ABCA4: variants seen among roughly 807,000 people sequenced by gnomAD.
The protein encoded by ABCA4 is ATP binding cassette subfamily A member 4.
A neutral mutation model predicts 263.7 loss-of-function variants in ABCA4; 196 were observed. The observed-to-expected ratio is 0.74, with a 90% CI of 0.66 to 0.84. The LOEUF (loss-of-function observed/expected upper bound fraction) is 0.84. Among genes scored for constraint, ABCA4 ranks in the 40% least tolerant of loss-of-function variants. The pLI, the probability that ABCA4 is intolerant of heterozygous loss-of-function variation, is 0.00. For synonymous variants in ABCA4, 1,133 were observed against 1,094.2 expected (o/e 1.04, Z -0.70); for missense variants, 2,792 against 2,855.1 (o/e 0.98, Z 0.50).
At position 94,041,249 on chromosome 1, in the gene ABCA4, C is replaced by T. The variant is rs768278935; in HGVS notation, c.3482G>A (p.Arg1161His). Residue 1161 changes from arginine (R) to histidine (H), a missense_variant, in exon 23 of 50, where the codon CGC becomes CAC. Transcript: ENST00000370225. Reference protein sequence around the residue: ...FGTGLYLTLVRKMKNIQSQRK... With the variant: ...FGTGLYLTLVHKMKNIQSQRK... Reference sequence around the variant, plus strand: ...TTGGCTCTGGATGTTTTTCATCTTGCGCACCAAGGTTAAGTACAAGCCTGT... The same window carrying T: ...TTGGCTCTGGATGTTTTTCATCTTGTGCACCAAGGTTAAGTACAAGCCTGT... The T allele has an allele frequency of 1.2e-5, 19 of 1,614,038 alleles. No individual in the cohort carries two copies. The highest frequency in any genetic ancestry group is 1.6e-4 in the Middle Eastern group (1 of 6,084).
chr1:94,001,695 C>A, intron 45 of ABCA4, 163 bp downstream of exon 45: 1 of 1,070,322 alleles, frequency 9.3e-7, no homozygotes, highest in Non-Finnish European at 1.4e-6. Context: ...GCTGTGTGAA[C>A]CAAACACTGG....
At chr1:94,020,477 C>A (rs1010348883) in intron 35 of ABCA4, among the ~76,000 whole-genome samples, 1 of 152,212 alleles carries the variant, frequency 6.6e-6, no homozygotes, top group Non-Finnish European at 1.5e-5. Flanking sequence ...ATCATCCATA[C>A]ACGTAGTAAG....
At chr1:94,048,087 G>T (rs554332279) in intron 18 of ABCA4, among the ~76,000 whole-genome samples, 1 of 152,316 alleles carries the variant, frequency 6.6e-6, no homozygotes, top group East Asian at 1.9e-4. Context: ...GTGTACTGCA[G>T]TCTAACTCTG....
chr1:94,120,151 G>A (rs1173975866), intron 1 of ABCA4, among the ~76,000 whole-genome samples: 1 of 152,194 alleles, frequency 6.6e-6, no homozygotes, highest in African/African-American at 2.4e-5. Flanking sequence ...GTACAGTCTT[G>A]GTGTTCTCTG....
chr1:94,057,047 C>T (rs964391484), intron 14 of ABCA4, among the ~76,000 whole-genome samples: 2 of 152,188 alleles, frequency 1.3e-5, no homozygotes, highest in Admixed American at 1.3e-4. Context: ...AATTGGGAGA[C>T]CATTAGGTTG....
In ABCA4 at chr1:94,098,774, C is replaced by A. The variant is rs545743681; in HGVS notation, c.768+20G>T. On this transcript the variant is annotated intron_variant, in intron 6 of 49. Transcript: ENST00000370225. The stretch of plus-strand genomic sequence containing the variant: ...CAGGAATCACCTTGCAATTGGCGAG[C>A]AGCCAAACCCCTCCCTTACCACACG... The A allele has an allele frequency of 3.1e-6, 5 of 1,613,824 alleles. No individual in the cohort carries two copies. Among genetic ancestry groups the A allele is most frequent in the African/African-American group, 2.7e-5 (2 of 75,064 alleles).
intron 6 of ABCA4, among the ~76,000 whole-genome samples, chr1:94,085,066 GA>G (rs1432150375): frequency 2.0e-5 from 3 of 152,196 alleles, no homozygotes; most frequent in Non-Finnish European, 4.4e-5. Flanking sequence ...GCAATTGGGG[GA>G]AAGTGGACAT....
chr1:94,014,784 G>A (rs1659677137), intron 37 of ABCA4, 94 bp from the exon 38 acceptor site: 4 of 1,515,548 alleles, frequency 2.6e-6, no homozygotes, highest in South Asian at 2.3e-5. Flanking sequence ...TACACCTGAG[G>A]TGATGTGTGT....
Position 94,046,899 on chromosome 1 carries a change from T to C in ABCA4, c.2918+20A>G. 6.2e-7 allele frequency: 1 copy of C among 1,612,994 alleles called. No individual in the cohort carries two copies. Among genetic ancestry groups the C allele is most frequent in the Non-Finnish European group, 8.5e-7 (1 of 1,179,216 alleles). On this transcript the variant is annotated intron_variant, in intron 19 of 49. Coordinates refer to ENST00000370225, the MANE Select transcript of ABCA4 (RefSeq NM_000350.3). ...ATGACAGGCTAGCATGGCAGCCAGC[T>C]TCTCTGCTGGAAGACTCACAAGGTG...
chr1:94,109,138 C>T (rs1189396129), intron 3 of ABCA4, among the ~76,000 whole-genome samples: 2 of 151,936 alleles, frequency 1.3e-5, no homozygotes, highest in Non-Finnish European at 2.9e-5. Flanking sequence ...CCTTACAATA[C>T]TGCCAAGGCA....
intron 24 of ABCA4, among the ~76,000 whole-genome samples, chr1:94,039,456 C>T (rs1230761363): frequency 6.6e-6 from 1 of 152,236 alleles, no homozygotes; most frequent in East Asian, 1.9e-4. Context: ...GCTTCTCACA[C>T]ATTCTCTCAC....
intron 14 of ABCA4, among the ~76,000 whole-genome samples, 197 bp downstream of exon 14, chr1:94,060,340 G>T (rs1486948279): frequency 6.6e-6 from 1 of 152,174 alleles, no homozygotes; most frequent in East Asian, 1.9e-4. Flanking sequence ...GAGATGGGAG[G>T]ATGCTGTGAT....
chr1:94,037,103 C>T, intron 25 of ABCA4, 42 bp downstream of exon 25: 1 of 1,599,892 alleles, frequency 6.3e-7, no homozygotes, highest in South Asian at 1.1e-5. Context: ...AGAACCGCCA[C>T]TTCTGGCACT....
intron 16 of ABCA4, 95 bp from the exon 17 acceptor site, chr1:94,051,793 C>A (rs1660849559): frequency 2.2e-6 from 2 of 925,634 alleles, no homozygotes; most frequent in African/African-American, 3.3e-5. Context: ...TTTACCTGAA[C>A]CTCAAATTGT....
At chr1:94,037,087 T>C in intron 25 of ABCA4, 58 bp downstream of exon 25, 4 of 1,576,856 alleles carry the variant, frequency 2.5e-6, no homozygotes, top group Non-Finnish European at 3.5e-6. Context: ...TGTTAGACTT[T>C]TTCAAAGAAC....
intron 16 of ABCA4, among the ~76,000 whole-genome samples, chr1:94,054,306 G>A (rs1302032938): frequency 6.6e-6 from 1 of 152,214 alleles, no homozygotes; most frequent in Non-Finnish European, 1.5e-5. Context: ...TAAGGGCAGA[G>A]AGTCAGTAAA....
chr1:94,064,571 C>T (rs1175198902), intron 11 of ABCA4, among the ~76,000 whole-genome samples: 3 of 152,148 alleles, frequency 2.0e-5, no homozygotes, highest in East Asian at 1.9e-4. Context: ...AGAACCACTG[C>T]GGAGCTTTAA....
chr1:94,002,033 AACACCCC>A (rs772531667), intron 44 of ABCA4, 41 bp from the exon 45 acceptor site: 1 of 1,613,894 alleles, frequency 6.2e-7, no homozygotes, highest in South Asian at 1.1e-5. Flanking sequence ...AAGACAAGCA[AACACCCC>A]AAACCTCCCC....
intron 17 of ABCA4, among the ~76,000 whole-genome samples, chr1:94,050,113 G>A (rs1660794158): frequency 6.6e-6 from 1 of 152,202 alleles, no homozygotes; most frequent in Non-Finnish European, 1.5e-5. Flanking sequence ...GGAGCAGCAG[G>A]TAGTGGGCCT....
Sources: allele counts gnomAD v4.1 joint callset (sites outside exome capture counted in the v4.1 genomes callset), GRCh38; gene constraint gnomAD v4.1.1; transcripts MANE v1.5; gene names NCBI Gene and HGNC (gene_info 2026-07-23, HGNC 2026-07-21).